The following SAGE1 variants were observed in gnomAD, a reference collection of about 807,000 sequenced individuals.
SAGE1 encodes sarcoma antigen 1, also known as cancer/testis antigen 14.
SAGE1 carries 55 observed loss-of-function variants against 55.4 expected under a neutral mutation model. That is an observed-to-expected ratio of 0.99 (90% CI 0.80 to 1.24). The LOEUF is 1.24. SAGE1 is among the 50% of genes most tolerant of loss of function. SAGE1 has a pLI of 0.00. For synonymous variants in SAGE1, 240 were observed against 244.3 expected (o/e 0.98, Z 0.17); for missense variants, 710 against 704.4 (o/e 1.01, Z -0.09).
At chrX:135,909,524 T>G (rs2148093840) in intron 13 of SAGE1, 115 bp from the exon 14 acceptor site, 1 of 784,423 alleles carries the variant, frequency 1.3e-6, no homozygotes, top group East Asian at 3.2e-5. Context: ...CACCACCTGT[T>G]ATAGCCTCCT....
Position 135,904,512 on chromosome X carries a change from A to G in SAGE1, c.256A>G (p.Ile86Val), listed in dbSNP as rs141587396. ...AVTHSICEER[I>V]NNGQPVADNV... ...CACTCACAGCATTTGTGAAGAGAGG[A>G]TAAATAACGGCCAACCAGTAGCTGA... Residue 86 changes from isoleucine (I) to valine (V), a missense_variant, in exon 4 of 20, where the codon ATA (isoleucine) becomes GTA (valine). Physicochemically the swap from Ile to Val is conservative, Grantham distance 29. Transcript: ENST00000370709. 4 of 1,207,225 alleles carry G rather than the reference A, an allele frequency of 3.3e-6. No individual in the cohort carries two copies. Among genetic ancestry groups the G allele is most frequent in the Admixed American group, 4.4e-5 (2 of 45,786 alleles).
chrX:135,911,200 G>A lies in SAGE1; in HGVS notation c.2014G>A (p.Ala672Thr), dbSNP rs2088892539. The A allele has an allele frequency of 2.5e-6, 3 of 1,209,941 alleles. No individual in the cohort carries two copies. The highest frequency in any genetic ancestry group is 1.8e-5 in the South Asian group (1 of 56,708). ...STITRDLYVTATHSVHEEKMT... is the reference protein window; with the variant it reads ...STITRDLYVTTTHSVHEEKMT... ...CTTCATTTTGTTTCCAGATGTCACCGCCACTCACAGTGTCCATGAGGAGAA... is the reference window on the plus strand; with the variant it reads ...CTTCATTTTGTTTCCAGATGTCACCACCACTCACAGTGTCCATGAGGAGAA... Residue 672 changes from alanine (A) to threonine (T), a missense_variant, in exon 17 of 20, where the codon GCC becomes ACC. Physicochemically the swap from Ala to Thr is moderately conservative, Grantham distance 58. Coordinates refer to ENST00000370709, the MANE Select transcript of SAGE1 (RefSeq NM_001381902.1).
rs2088784342 is a variant in SAGE1 at position 135,906,158 on chromosome X, G to A, written c.589G>A (p.Asp197Asn). The part of the protein sequence containing the change: ...ATPIPAMSAR[D>N]LYATVTHNVC... ...TCCTATTCCAGCCATGAGTGCCAGAGATCTCTGTATGTCCACTTATAAATT... is the reference window on the plus strand; with the variant it reads ...TCCTATTCCAGCCATGAGTGCCAGAAATCTCTGTATGTCCACTTATAAATT... Residue 197 changes from aspartate to asparagine, a missense_variant, in exon 6 of 20, where the codon GAT becomes AAT. Physicochemically the swap from Asp to Asn is conservative, Grantham distance 23. Coordinates refer to ENST00000370709, the MANE Select transcript of SAGE1 (RefSeq NM_001381902.1). 1 of 1,202,770 alleles carries A rather than the reference G, an allele frequency of 8.3e-7. No individual in the cohort carries two copies. Among genetic ancestry groups the A allele is most frequent in the Admixed American group, 2.2e-5 (1 of 44,878 alleles).
Position 135,911,640 on chromosome X carries a change from T to G in SAGE1, c.2208T>G (p.Asp736Glu), listed in dbSNP as rs782239663. The G allele has an allele frequency of 2.1e-5, 25 of 1,211,063 alleles. No homozygotes were observed. Among genetic ancestry groups the G allele is most frequent in the Non-Finnish European group, 2.8e-5 (25 of 894,685 alleles). Reference protein sequence around the residue: ...EEMENDQTPPDGFLSNSDSPE... With the variant: ...EEMENDQTPPEGFLSNSDSPE... ...TGGAAAATGATCAAACCCCTCCTGA[T>G]GGCTTCCTGTCAAATTCTGATTCAC... Residue 736 changes from aspartate (D) to glutamate (E), a missense_variant, in exon 18 of 20, where the codon GAT (aspartate) becomes GAG (glutamate). By Grantham distance (45) the Asp-to-Glu change is conservative. Transcript: ENST00000370709.
At chrX:135,895,934 T>G (rs7474320) in intron 1 of SAGE1, among the ~76,000 whole-genome samples, 23,669 of 110,398 alleles carry the variant, frequency 0.21, 2,008 homozygotes, top group Non-Finnish European at 0.26. Context: ...TCAAACTGGG[T>G]TGGAGGCATA....
chrX:135,902,857 C>A (rs782395223), intron 3 of SAGE1, among the ~76,000 whole-genome samples: 1 of 111,933 alleles, frequency 8.9e-6, no homozygotes, highest in Non-Finnish European at 1.9e-5. Flanking sequence ...TGCATGCTGC[C>A]GTGATCTGTC....
chrX:135,907,398 A>G lies in SAGE1; in HGVS notation c.963A>G (p.Pro321=). 8.3e-7 allele frequency: 1 copy of G among 1,208,469 alleles called. No homozygotes were observed. Among genetic ancestry groups the G allele is most frequent in the East Asian group, 3.0e-5 (1 of 33,832 alleles). The part of the protein sequence containing the change: ...QPNNVLSTVQ[P]VIIYLTATGI... ...ATAACGTATTGTCAACTGTTCAACC[A>G]GTGATTATTTATTTGACAGCAACTG... The change falls in exon 9 of 20, where the codon CCA becomes CCG. Residue 321 remains proline, a synonymous_variant. Transcript: ENST00000370709.
Position 135,912,931 on chromosome X carries a change from AC to A in SAGE1, c.*35del, listed in dbSNP as rs1405754767. ...GTGCAAAGACCAAGGAGAAACAAGG[AC>A]ATATGCTGTAGGATGGAACAGGTTA... is the stretch of plus-strand genomic sequence containing the variant. On this transcript the variant is annotated 3_prime_UTR_variant, in exon 20 of 20. Coordinates refer to ENST00000370709, the MANE Select transcript of SAGE1 (RefSeq NM_001381902.1). The A allele has an allele frequency of 2.1e-6, 2 of 967,291 alleles. No homozygotes were observed. The highest frequency in any genetic ancestry group is 3.8e-5 in the African/African-American group (2 of 52,459). The allele number at this position is 967,291 out of a possible 1,213,427, so 79.7% of individuals were successfully genotyped here. A position where few individuals can be genotyped will look rare whatever the true frequency, so the allele number is the denominator to read the frequency against.
At chrX:135,905,020 A>G (rs1233656606) in intron 4 of SAGE1, among the ~76,000 whole-genome samples, 2 of 111,188 alleles carry the variant, frequency 1.8e-5, no homozygotes, top group Non-Finnish European at 1.9e-5. Flanking sequence ...TTTGTTTATT[A>G]GTTGTAGTGT....
At chrX:135,902,014 G>A (rs1351311799) in intron 3 of SAGE1, among the ~76,000 whole-genome samples, 1 of 111,992 alleles carries the variant, frequency 8.9e-6, no homozygotes, top group African/African-American at 3.3e-5. Flanking sequence ...ACACTTTGGC[G>A]TTAATGTCTC....
Position 135,905,297 on chromosome X carries a change from GC to G in SAGE1, c.361del (p.Gln121AsnfsTer26). 8.3e-7 allele frequency: 1 copy of G among 1,207,861 alleles called. No individual in the cohort carries two copies. The highest frequency in any genetic ancestry group is 1.1e-6 in the Non-Finnish European group (1 of 892,659). ...ATCCGTGAAGAGAGGATGGAAAATG[GC>G]CAATCTCGAACTGACAAAGTCTTGT... ...HNIREERMEN[G>X]QSRTDKVLST... On this transcript the variant is annotated frameshift_variant, in exon 5 of 20. Transcript: ENST00000370709. LOFTEE classifies it high-confidence loss of function.
At chrX:135,894,634 T>C (rs1373914919) in intron 1 of SAGE1, among the ~76,000 whole-genome samples, 1 of 109,828 alleles carries the variant, frequency 9.1e-6, no homozygotes, top group Non-Finnish European at 1.9e-5. Flanking sequence ...TTTTTCTGTT[T>C]CTTATTTCAT....
chrX:135,900,252 G>A (rs1157186120), intron 2 of SAGE1, among the ~76,000 whole-genome samples: 2 of 111,522 alleles, frequency 1.8e-5, no homozygotes, highest in African/African-American at 6.5e-5. Flanking sequence ...TGAGATAAGC[G>A]TGTGGTTTTT....
At chrX:135,894,834 G>T (rs782502510) in intron 1 of SAGE1, among the ~76,000 whole-genome samples, 1 of 110,904 alleles carries the variant, frequency 9.0e-6, no homozygotes, top group African/African-American at 3.3e-5. Flanking sequence ...AAGGAAATTC[G>T]GTGTGCTGAA....
In SAGE1 at chrX:135,910,443, AGAG is replaced by A. The variant is rs1453803183; in HGVS notation, c.1894_1896del (p.Glu632del). 1.7e-6 allele frequency: 2 copies of A among 1,208,607 alleles called. No individual in the cohort carries two copies. The highest frequency in any genetic ancestry group is 1.8e-5 in the African/African-American group (1 of 56,884). The stretch of plus-strand genomic sequence containing the variant: ...CTGCAGTCACTCACAACATCCGTGA[AGAG>A]AAGATAAATAACAGCCAACCAGCAC... On this transcript the variant is annotated inframe_deletion, in exon 16 of 20. Coordinates refer to ENST00000370709, the MANE Select transcript of SAGE1 (RefSeq NM_001381902.1).
Position 135,907,339 on chromosome X carries a change from G to A in SAGE1, c.904G>A (p.Glu302Lys), listed in dbSNP as rs200674696. 9.9e-6 allele frequency: 12 copies of A among 1,209,450 alleles called. No homozygotes were observed. The highest frequency in any genetic ancestry group is 3.4e-6 in the Non-Finnish European group (3 of 894,002). ...LYSTVPHNVC[E>K]EKMENDQPQP... ...TTCCACCGTCCCTCACAATGTCTGT[G>A]AAGAGAAGATGGAAAATGACCAACC... is the stretch of plus-strand genomic sequence containing the variant. Residue 302 changes from glutamate to lysine, a missense_variant, in exon 9 of 20, where the codon GAA becomes AAA. Transcript: ENST00000370709.
Position 135,912,409 on chromosome X carries a change from A to C in SAGE1, c.2610A>C (p.Ala870=), listed in dbSNP as rs782236214. ...RQFVEFTIKE[A]ARFKKVVLIQ... ...TTGTTGAATTTACCATCAAGGAAGC[A>C]GCAAGGTGAGTGCAAAAAGGAACTG... is the stretch of plus-strand genomic sequence containing the variant. The change falls in exon 19 of 20, where the codon GCA becomes GCC. Residue 870 remains alanine (A), a synonymous_variant. Coordinates refer to ENST00000370709, the MANE Select transcript of SAGE1 (RefSeq NM_001381902.1). 1.9e-5 allele frequency: 23 copies of C among 1,203,916 alleles called. No individual in the cohort carries two copies. Among genetic ancestry groups the C allele is most frequent in the Non-Finnish European group, 2.6e-5 (23 of 893,378 alleles).
chrX:135,909,009 G>T lies in SAGE1; in HGVS notation c.1582+5G>T, dbSNP rs1446785313. ...CCATGAGTACCAAGGATCTGTGTAT[G>T]TCTGTTAATTAGTTGTACTGTCATA... On this transcript the variant is annotated splice_donor_5th_base_variant and intron_variant, in intron 13 of 19. Transcript: ENST00000370709. 2 of 1,201,929 alleles carry T rather than the reference G, an allele frequency of 1.7e-6. No individual in the cohort carries two copies. The highest frequency in any genetic ancestry group is 2.3e-6 in the Non-Finnish European group (2 of 887,794).
chrX:135,907,094 C>T, intron 8 of SAGE1, 28 bp downstream of exon 8: 2 of 1,190,821 alleles, frequency 1.7e-6, no homozygotes, highest in African/African-American at 1.7e-5. Context: ...TTGGATTATC[C>T]TGCTTGGTTT....
Sources: gnomAD v4.1 joint callset for allele counts (sites outside exome capture counted in the v4.1 genomes callset) on GRCh38, gnomAD v4.1.1 for gene constraint, MANE v1.5 for transcripts, NCBI Gene and HGNC (gene_info 2026-07-23, HGNC 2026-07-21) for gene names.